PTPRK: variants seen among roughly 807,000 people sequenced by gnomAD.
The protein encoded by PTPRK is protein tyrosine phosphatase receptor type K.
A neutral mutation model predicts 178.0 loss-of-function variants in PTPRK; 75 were observed. The ratio of observed to expected loss-of-function variants is 0.42; its 90% CI spans 0.35 to 0.51. The LOEUF (loss-of-function observed/expected upper bound fraction) is 0.51, where lower values mean the gene tolerates loss of function less well. Among genes scored for constraint, PTPRK ranks in the 20% least tolerant of loss-of-function variants. PTPRK has a pLI of 0.02. For synonymous variants in PTPRK, 637 were observed against 620.6 expected (o/e 1.03, Z -0.39); for missense variants, 1,441 against 1,797.8 (o/e 0.80, Z 3.59).
chr6:128,257,230 A>C, intron 3 of PTPRK, among the ~76,000 whole-genome samples: 1 of 146,654 alleles, frequency 6.8e-6, no homozygotes, highest in Non-Finnish European at 1.5e-5. Context: ...ACTCCATCCA[A>C]AAAAAAAAAA....
chr6:128,451,897 A>G (rs1324012285), intron 1 of PTPRK, among the ~76,000 whole-genome samples: 1 of 152,230 alleles, frequency 6.6e-6, no homozygotes, highest in African/African-American at 2.4e-5. Flanking sequence ...ATGGTTTTCA[A>G]TAGAATTTTT....
At chr6:128,431,422 T>C (rs190268240) in intron 1 of PTPRK, among the ~76,000 whole-genome samples, 1 of 152,318 alleles carries the variant, frequency 6.6e-6, no homozygotes, top group Admixed American at 6.5e-5. Context: ...AATGTCTTTT[T>C]TAATAAATAA....
chr6:128,179,777 G>T (rs373045368), intron 7 of PTPRK, among the ~76,000 whole-genome samples: 1 of 151,968 alleles, frequency 6.6e-6, no homozygotes, highest in African/African-American at 2.4e-5. Flanking sequence ...TTTTGCTGAT[G>T]ATGCTATAGA....
chr6:128,324,509 A>T (rs1829283166), intron 2 of PTPRK, among the ~76,000 whole-genome samples: 1 of 152,134 alleles, frequency 6.6e-6, no homozygotes, highest in African/African-American at 2.4e-5. Flanking sequence ...TATCAATTTG[A>T]TCACTAGGAA....
chr6:128,271,132 C>G (rs1165842229), intron 3 of PTPRK, among the ~76,000 whole-genome samples: 3 of 152,072 alleles, frequency 2.0e-5, no homozygotes, highest in Non-Finnish European at 4.4e-5. Context: ...GAGGCTGCAA[C>G]CGTTTGCCTT....
Position 128,324,780 on chromosome 6 carries a change from C to T in PTPRK, c.224-2470G>A, listed in dbSNP as rs576876996. Among the ~76,000 whole-genome samples, 38 of 152,208 alleles carry T rather than the reference C, an allele frequency of 2.5e-4. No individual in the cohort carries two copies. In the South Asian group the frequency reaches 3.9e-3, roughly 16 times the overall value. On this transcript the variant is annotated intron_variant, in intron 2 of 29. Transcript: ENST00000368226. The stretch of plus-strand genomic sequence containing the variant: ...CTTTCTGCCTACTGACTTGATATAA[C>T]GGCAATTTACCCAGTAGGCACTAGG...
At chr6:128,369,867 G>A (rs1271903797) in intron 2 of PTPRK, among the ~76,000 whole-genome samples, 1 of 152,036 alleles carries the variant, frequency 6.6e-6, no homozygotes, top group Non-Finnish European at 1.5e-5. Context: ...GAGGATAGTA[G>A]CAAACAGAAG....
intron 3 of PTPRK, among the ~76,000 whole-genome samples, chr6:128,290,978 G>A (rs1458580916): frequency 2.0e-5 from 3 of 152,014 alleles, no homozygotes; most frequent in Non-Finnish European, 2.9e-5. Flanking sequence ...AGATAATGTA[G>A]TAGACAAAAT....
intron 1 of PTPRK, among the ~76,000 whole-genome samples, chr6:128,432,989 G>A (rs1845034000): frequency 6.6e-6 from 1 of 150,822 alleles, no homozygotes. Context: ...TTAACTATTT[G>A]TATCAATACA....
intron 2 of PTPRK, among the ~76,000 whole-genome samples, chr6:128,356,498 C>T (rs1486865973): frequency 3.9e-5 from 6 of 152,120 alleles, no homozygotes; most frequent in Non-Finnish European, 8.8e-5. Flanking sequence ...GCAATGAGAA[C>T]TATTGGCAAT....
intron 1 of PTPRK, among the ~76,000 whole-genome samples, chr6:128,514,214 T>G (rs1857590515): frequency 6.6e-6 from 1 of 152,238 alleles, no homozygotes; most frequent in South Asian, 2.1e-4. Context: ...ATACAGCTTA[T>G]TTTCCACTTG....
At chr6:128,435,532 G>T (rs534498004) in intron 1 of PTPRK, among the ~76,000 whole-genome samples, 1 of 152,178 alleles carries the variant, frequency 6.6e-6, no homozygotes, top group Non-Finnish European at 1.5e-5. Flanking sequence ...CGAGGAAGAG[G>T]CTGGGCAAAG....
In PTPRK at chr6:127,995,404, A is replaced by G. The variant is rs75659285; in HGVS notation, c.2844+58T>C. ...GCAATCACTTTATAGGTAATAAGCA[A>G]AAAGGTTCATATATATAAGCCAATA... On this transcript the variant is annotated intron_variant, in intron 18 of 29. Coordinates refer to ENST00000368226, the MANE Select transcript of PTPRK (RefSeq NM_002844.4). 1.3e-3 allele frequency: 2,002 copies of G among 1,486,086 alleles called. 29 individuals are homozygous for G. In the African/African-American group the frequency reaches 0.026, roughly 19 times the overall value. 92.1% of individuals were successfully genotyped at this position (1,486,086 alleles called of 1,614,324 possible). A position where few individuals can be genotyped will look rare whatever the true frequency, so the allele number is the denominator to read the frequency against.
intron 3 of PTPRK, among the ~76,000 whole-genome samples, chr6:128,296,558 G>A (rs1470734158): frequency 6.6e-6 from 1 of 152,102 alleles, no homozygotes; most frequent in Admixed American, 6.6e-5. Flanking sequence ...GAAGAGAGTG[G>A]GGGCCAATAT....
At chr6:128,441,720 A>G (rs114323115) in intron 1 of PTPRK, among the ~76,000 whole-genome samples, 130 of 152,342 alleles carry the variant, frequency 8.5e-4, no homozygotes, top group African/African-American at 3.1e-3. Context: ...CTAAGAGTCA[A>G]CCAAAAGATT....
At chr6:128,412,357 A>G (rs1842404847) in intron 1 of PTPRK, among the ~76,000 whole-genome samples, 1 of 152,210 alleles carries the variant, frequency 6.6e-6, no homozygotes, top group Non-Finnish European at 1.5e-5. Flanking sequence ...AAAGTTGGGC[A>G]TTATTATCAT....
chr6:128,093,850 C>CA (rs1455398076), intron 7 of PTPRK, among the ~76,000 whole-genome samples: 1 of 151,456 alleles, frequency 6.6e-6, no homozygotes, highest in African/African-American at 2.4e-5. Flanking sequence ...AAGGAGCTTC[C>CA]ATTTGTTTAT....
rs1773688477 is a variant in PTPRK, at chr6:127,969,576, T to TTAGCCATCAAAAAAGGAATGTAAGTA, written c.*625_*650dup. The TTAGCCATCAAAAAAGGAATGTAAGTA allele has an allele frequency of 6.6e-6, 1 of 152,162 alleles. No homozygotes were observed. Among genetic ancestry groups the TTAGCCATCAAAAAAGGAATGTAAGTA allele is most frequent in the Non-Finnish European group, 1.5e-5 (1 of 68,000 alleles). The allele number at this position is 152,162 out of a possible 1,614,324, so 9.4% of individuals were successfully genotyped here. A position where few individuals can be genotyped will look rare whatever the true frequency, so the allele number is the denominator to read the frequency against. On this transcript the variant is annotated 3_prime_UTR_variant, in exon 30 of 30. Transcript: ENST00000368226. ...AAGATGATTGTGTGGTGGTAGTATT[T>TTAGCCATCAAAAAAGGAATGTAAGTA]TAGCCATCAAAAAAGGAATGTAAGT...
At chr6:128,066,390 C>A (rs1361739471) in intron 12 of PTPRK, among the ~76,000 whole-genome samples, 1 of 152,128 alleles carries the variant, frequency 6.6e-6, no homozygotes, top group Non-Finnish European at 1.5e-5. Flanking sequence ...TACCTACAAG[C>A]CAAGCATACA....
Sources: gnomAD v4.1 joint callset for allele counts (sites outside exome capture counted in the v4.1 genomes callset) on GRCh38, gnomAD v4.1.1 for gene constraint, MANE v1.5 for transcripts, NCBI Gene and HGNC (gene_info 2026-07-23, HGNC 2026-07-21) for gene names.